Variants in SORCS2 observed in about 807,000 individuals in gnomAD.
SORCS2 encodes the protein sortilin related VPS10 domain containing receptor 2, also known as VPS10 domain-containing receptor SorCS2.
A neutral mutation model predicts 141.6 loss-of-function variants in SORCS2; 100 were observed. The ratio of observed to expected loss-of-function variants is 0.71; its 90% CI spans 0.60 to 0.83. The LOEUF is 0.83. SORCS2 is among the 40% of genes least tolerant of loss of function. The pLI, the probability that SORCS2 is intolerant of heterozygous loss-of-function variation, is 0.00. For synonymous variants in SORCS2, 789 were observed against 676.9 expected (o/e 1.17, Z -2.57); for missense variants, 1,646 against 1,560.2 (o/e 1.05, Z -0.93).
rs553014640 is a variant in SORCS2 at position 7,339,279 on chromosome 4, A to G, written c.481-57009A>G. On this transcript the variant is annotated intron_variant, in intron 1 of 26. Coordinates refer to ENST00000507866, the MANE Select transcript of SORCS2 (RefSeq NM_020777.3). ...CATCTGTGGGACAGGAGGCACCAGT[A>G]TGAGTGACAAGACAGCTTGATCCAA... is the stretch of plus-strand genomic sequence containing the variant. Among the ~76,000 whole-genome samples, 6 of 152,330 alleles carry G rather than the reference A, an allele frequency of 3.9e-5. No homozygotes were observed. In the South Asian group the frequency reaches 1.2e-3, roughly 32 times the overall value.
At chr4:7,596,383 T>A (rs1305732563) in intron 3 of SORCS2, among the ~76,000 whole-genome samples, 2 of 152,258 alleles carry the variant, frequency 1.3e-5, no homozygotes, top group East Asian at 3.9e-4. Flanking sequence ...ATGCTGCTTT[T>A]TATAGGGACT....
At chr4:7,407,650 C>T (rs1467964222) in intron 2 of SORCS2, among the ~76,000 whole-genome samples, 4 of 152,040 alleles carry the variant, frequency 2.6e-5, no homozygotes, top group Non-Finnish European at 4.4e-5. Context: ...TATACCTTTT[C>T]ATTGGAAAAT....
intron 26 of SORCS2, among the ~76,000 whole-genome samples, chr4:7,738,935 A>C (rs1360913986): frequency 6.6e-6 from 1 of 152,024 alleles, no homozygotes; most frequent in Non-Finnish European, 1.5e-5. Flanking sequence ...CCTTGTCTCC[A>C]GCATCGCCAG....
chr4:7,481,437 C>T (rs752940895), intron 2 of SORCS2, among the ~76,000 whole-genome samples: 1 of 152,078 alleles, frequency 6.6e-6, no homozygotes, highest in Non-Finnish European at 1.5e-5. Context: ...AGGCGGAGGT[C>T]GGCCGGGAGG....
intron 2 of SORCS2, among the ~76,000 whole-genome samples, chr4:7,429,725 TG>T (rs961364870): frequency 1.3e-5 from 2 of 152,098 alleles, no homozygotes; most frequent in Non-Finnish European, 2.9e-5. Context: ...CACAGAGTGG[TG>T]GGGTCAGGAC....
chr4:7,434,563 C>G, intron 2 of SORCS2: 1 of 1,613,516 alleles, frequency 6.2e-7, no homozygotes, highest in South Asian at 1.1e-5. Flanking sequence ...CCACTTGCAT[C>G]CGGCTGAAGA....
At chr4:7,521,193 C>T (rs571764524) in intron 2 of SORCS2, among the ~76,000 whole-genome samples, 2 of 152,134 alleles carry the variant, frequency 1.3e-5, no homozygotes, top group Non-Finnish European at 2.9e-5. Flanking sequence ...AATGATCTCG[C>T]TAACTCCTCC....
intron 3 of SORCS2, among the ~76,000 whole-genome samples, chr4:7,554,579 T>G (rs1260770345): frequency 6.6e-6 from 1 of 151,986 alleles, no homozygotes; most frequent in African/African-American, 2.4e-5. Flanking sequence ...ACCATTAAAG[T>G]GTTTGGAGGT....
At chr4:7,627,382 A>G (rs1374641207) in intron 3 of SORCS2, among the ~76,000 whole-genome samples, 1 of 152,136 alleles carries the variant, frequency 6.6e-6, no homozygotes, top group Non-Finnish European at 1.5e-5. Flanking sequence ...CTCAGGATGG[A>G]TGGGTGATGC....
intron 1 of SORCS2, among the ~76,000 whole-genome samples, chr4:7,318,859 C>T (rs919916300): frequency 1.3e-5 from 2 of 152,176 alleles, no homozygotes; most frequent in Admixed American, 1.3e-4. Flanking sequence ...TATCACTCCC[C>T]AGAATCCCTT....
intron 1 of SORCS2, among the ~76,000 whole-genome samples, chr4:7,266,114 C>T (rs1245530837): frequency 6.6e-6 from 1 of 152,176 alleles, no homozygotes; most frequent in South Asian, 2.1e-4. Flanking sequence ...TGCCTGGGCC[C>T]TGGTGCCACA....
At chr4:7,292,744 A>T (rs540657611) in intron 1 of SORCS2, among the ~76,000 whole-genome samples, 1 of 152,282 alleles carries the variant, frequency 6.6e-6, no homozygotes, top group South Asian at 2.1e-4. Flanking sequence ...TGGGTCGGGA[A>T]TCCCCTGCTG....
At chr4:7,356,345 A>G (rs189086086) in intron 1 of SORCS2, among the ~76,000 whole-genome samples, 14 of 152,290 alleles carry the variant, frequency 9.2e-5, no homozygotes, top group Admixed American at 2.0e-4. Flanking sequence ...AACAACAGAC[A>G]TATGTTTGGG....
intron 1 of SORCS2, among the ~76,000 whole-genome samples, chr4:7,314,632 C>T (rs1157034005): frequency 3.3e-5 from 5 of 152,108 alleles, no homozygotes; most frequent in South Asian, 4.1e-4. Flanking sequence ...AGCCACCGCA[C>T]CCGGCCAATC....
chr4:7,388,710 C>T (rs530216226), intron 1 of SORCS2, among the ~76,000 whole-genome samples: 2 of 152,254 alleles, frequency 1.3e-5, no homozygotes, highest in African/African-American at 4.8e-5. Flanking sequence ...TTGAAGTGCC[C>T]TTGACCTCTC....
intron 3 of SORCS2, among the ~76,000 whole-genome samples, chr4:7,592,780 C>T (rs931254689): frequency 1.3e-5 from 2 of 152,206 alleles, no homozygotes; most frequent in African/African-American, 4.8e-5. Context: ...CCTATGCATT[C>T]TCAAATGTAA....
chr4:7,287,433 C>G (rs1249324230), intron 1 of SORCS2, among the ~76,000 whole-genome samples: 1 of 152,206 alleles, frequency 6.6e-6, no homozygotes, highest in African/African-American at 2.4e-5. Context: ...CTACTGGGAG[C>G]TGGGCGTGGG....
chr4:7,545,059 GTGA>G (rs1713140113), intron 3 of SORCS2, among the ~76,000 whole-genome samples: 1 of 151,836 alleles, frequency 6.6e-6, no homozygotes, highest in African/African-American at 2.4e-5. Flanking sequence ...CAGAAATAGA[GTGA>G]ACCCTGGAAA....
At chr4:7,715,075 C>A in intron 16 of SORCS2, 108 bp from the exon 17 acceptor site, 3 of 1,477,744 alleles carry the variant, frequency 2.0e-6, no homozygotes, top group Non-Finnish European at 2.8e-6. Context: ...CATAGCAGGC[C>A]CTTGACATGA....
Sources: gnomAD v4.1 joint callset for allele counts (sites outside exome capture counted in the v4.1 genomes callset) on GRCh38, gnomAD v4.1.1 for gene constraint, MANE v1.5 for transcripts, NCBI Gene and HGNC (gene_info 2026-07-23, HGNC 2026-07-21) for gene names.